PCDHGA2: variants seen among roughly 807,000 people sequenced by gnomAD.
PCDHGA2 encodes the protein protocadherin gamma-A2.
PCDHGA2 carries 40 observed loss-of-function variants against 59.2 expected under a neutral mutation model. The observed-to-expected ratio is 0.68, with a 90% CI of 0.52 to 0.88. The LOEUF (loss-of-function observed/expected upper bound fraction) is 0.88. Among genes scored for constraint, PCDHGA2 ranks in the 40% least tolerant of loss-of-function variants. The pLI, the probability that PCDHGA2 is intolerant of heterozygous loss-of-function variation, is 0.00. For missense variants in PCDHGA2, 1,226 were observed against 1,204.0 expected, an observed-to-expected ratio of 1.02 and a Z score of -0.27; for synonymous variants, 560 against 526.0, an observed-to-expected ratio of 1.06 and a Z score of -0.89.
At position 141,485,062 on chromosome 5, in the gene PCDHGA2, C is replaced by A; in HGVS notation, c.2425-9745C>A. 1 of 876,340 alleles carries A rather than the reference C, an allele frequency of 1.1e-6. No individual in the cohort carries two copies. Among genetic ancestry groups the A allele is most frequent in the African/African-American group, 1.7e-5 (1 of 59,510 alleles). The allele number at this position is 876,340 out of a possible 1,614,324, so 54.3% of individuals were successfully genotyped here. On this transcript the variant is annotated intron_variant, in intron 1 of 3. Coordinates refer to ENST00000394576, the MANE Select transcript of PCDHGA2 (RefSeq NM_018915.4). This position sits in a 1 kb window ranked among gnomAD's most constrained non-coding sequence, Gnocchi z 5.7. ...CCTTGCGGCGCCGGCCGAACCGCGC[C>A]AGAGCTGGCGCGGGGAAAGGGAGAT...
intron 1 of PCDHGA2, chr5:141,360,679 GA>G: frequency 6.2e-7 from 1 of 1,613,988 alleles, no homozygotes; most frequent in Non-Finnish European, 8.5e-7. Flanking sequence ...TGATCTCGCT[GA>G]GAAACAGACT....
At chr5:141,344,310 G>C (rs372211258) in intron 1 of PCDHGA2, 3 of 1,614,090 alleles carry the variant, frequency 1.9e-6, no homozygotes, top group Non-Finnish European at 2.5e-6. Flanking sequence ...GATAGACCGG[G>C]AGGAGCTCTG....
At chr5:141,478,355 G>T (rs1193169527) in intron 1 of PCDHGA2, 7 of 1,613,742 alleles carry the variant, frequency 4.3e-6, no homozygotes, top group Non-Finnish European at 5.1e-6. Flanking sequence ...CGCGGACGCC[G>T]TGCGGGGAGG....
chr5:141,405,744 C>T (rs2094711384), intron 1 of PCDHGA2, among the ~76,000 whole-genome samples: 1 of 152,192 alleles, frequency 6.6e-6, no homozygotes, highest in African/African-American at 2.4e-5. Flanking sequence ...TCCCAAAGCA[C>T]TGGGATTACA....
intron 1 of PCDHGA2, chr5:141,390,739 A>G (rs1459430005): frequency 5.6e-6 from 1 of 178,034 alleles, no homozygotes; most frequent in Non-Finnish European, 1.2e-5. Context: ...TATGGTCTCC[A>G]TAGTAGTCCA....
intron 1 of PCDHGA2, chr5:141,399,509 AC>A: frequency 6.2e-7 from 1 of 1,613,968 alleles, no homozygotes; most frequent in Non-Finnish European, 8.5e-7. Flanking sequence ...CCCGAAAACA[AC>A]CCTCCTGGGG....
At position 141,339,644 on chromosome 5, in the gene PCDHGA2, A is replaced by C; in HGVS notation, c.673A>C (p.Thr225Pro). The C allele has an allele frequency of 6.2e-7, 1 of 1,613,948 alleles. No individual in the cohort carries two copies. Among genetic ancestry groups the C allele is most frequent in the South Asian group, 1.1e-5 (1 of 91,070 alleles). ...SDGGDPVLSG[T>P]SRICVKVLDA... ...TGGGGGTGACCCAGTGCTATCTGGC[A>C]CCTCCCGCATCTGCGTGAAGGTCCT... Residue 225 changes from threonine (T) to proline (P), a missense_variant, in exon 1 of 4, where the codon ACC becomes CCC. Physicochemically the swap from Thr to Pro is conservative, Grantham distance 38 (BLOSUM62 -1). Transcript: ENST00000394576.
chr5:141,433,642 C>A (rs1457700205), intron 1 of PCDHGA2, among the ~76,000 whole-genome samples: 2 of 152,170 alleles, frequency 1.3e-5, no homozygotes, highest in South Asian at 2.1e-4. Context: ...TTGAGACCAG[C>A]CTGACCAACA....
chr5:141,371,477 G>A (rs1027262154), intron 1 of PCDHGA2: 3 of 1,613,854 alleles, frequency 1.9e-6, no homozygotes, highest in Non-Finnish European at 2.5e-6. Flanking sequence ...AAGATGCTGA[G>A]CTGGGGACTG....
Position 141,511,207 on chromosome 5 carries a change from T to A in PCDHGA2, c.*34T>A, listed in dbSNP as rs773761839. ...CCAGGCCAAGAGCCACAGGGCGGCC[T>A]CTCCCCAACCAGCCCAGCTTCTCCT... On this transcript the variant is annotated 3_prime_UTR_variant, in exon 4 of 4. Transcript: ENST00000394576. 1 of 1,611,162 alleles carries A rather than the reference T, an allele frequency of 6.2e-7. No individual in the cohort carries two copies. The highest frequency in any genetic ancestry group is 1.1e-5 in the South Asian group (1 of 90,702).
intron 1 of PCDHGA2, chr5:141,421,623 C>T: frequency 6.2e-7 from 1 of 1,613,810 alleles, no homozygotes. Flanking sequence ...ATAACGCCCC[C>T]AGCTTCCAGG....
chr5:141,413,263 G>A, intron 1 of PCDHGA2: 1 of 1,613,940 alleles, frequency 6.2e-7, no homozygotes, highest in Admixed American at 1.7e-5. Flanking sequence ...TCCATGGGAG[G>A]CTGGAGCCCG....
At chr5:141,394,989 C>T in intron 1 of PCDHGA2, 1 of 1,614,030 alleles carries the variant, frequency 6.2e-7, no homozygotes. Flanking sequence ...ACGCCTGCTC[C>T]AGGATTCCGG....
chr5:141,357,471 C>G, intron 1 of PCDHGA2: 2 of 1,614,206 alleles, frequency 1.2e-6, no homozygotes, highest in East Asian at 2.2e-5. Context: ...CCCACGAGGT[C>G]TCCCTCACCG....
chr5:141,492,084 G>A (rs979755390), intron 1 of PCDHGA2, among the ~76,000 whole-genome samples: 1 of 152,236 alleles, frequency 6.6e-6, no homozygotes, highest in Non-Finnish European at 1.5e-5. Flanking sequence ...GCTCCGGCAC[G>A]CTTCGCCGGT....
intron 1 of PCDHGA2, chr5:141,415,910 A>G: frequency 1.3e-6 from 1 of 757,484 alleles, no homozygotes; most frequent in Non-Finnish European, 1.8e-6. Context: ...ACTTCCATAC[A>G]GAAGTGCCTG....
chr5:141,402,357 G>C (rs1486286220), intron 1 of PCDHGA2, among the ~76,000 whole-genome samples: 1 of 151,812 alleles, frequency 6.6e-6, no homozygotes, highest in Non-Finnish European at 1.5e-5. Flanking sequence ...AAAAATGAAT[G>C]TACTTCCAAA....
chr5:141,502,578 T>C (rs2099815145), intron 2 of PCDHGA2, among the ~76,000 whole-genome samples: 1 of 152,198 alleles, frequency 6.6e-6, no homozygotes, highest in African/African-American at 2.4e-5. Context: ...TATAAAAATA[T>C]ATTTTTATAA....
At chr5:141,388,353 G>T in intron 1 of PCDHGA2, 1 of 1,613,976 alleles carries the variant, frequency 6.2e-7, no homozygotes, top group Non-Finnish European at 8.5e-7. Context: ...ATTAGGATCT[G>T]CCCATGATGC....
Sources: gnomAD v4.1 joint callset for allele counts (sites outside exome capture counted in the v4.1 genomes callset) on GRCh38, gnomAD v4.1.1 for gene constraint, Gnocchi (gnomAD v3.1) non-coding constraint, MANE v1.5 for transcripts, NCBI Gene and HGNC (gene_info 2026-07-23, HGNC 2026-07-21) for gene names.